RAB7A: variants seen among roughly 807,000 people sequenced by gnomAD.
RAB7A encodes the protein RAB7A, member RAS oncogene family.
RAB7A carries 2 observed loss-of-function variants against 24.5 expected under a neutral mutation model. The ratio of observed to expected loss-of-function variants is 0.08; its 90% CI spans 0.03 to 0.26. The LOEUF (loss-of-function observed/expected upper bound fraction) is 0.26. Ranked by LOEUF, RAB7A falls within the 10% of genes least tolerant of loss-of-function variation. The probability of loss-of-function intolerance (pLI) is 1.00; values close to 1 mark genes in which losing one functional copy is unlikely to be tolerated. For missense variants in RAB7A, 118 were observed against 255.7 expected (o/e 0.46, Z 3.67); for synonymous variants, 100 against 95.9 (o/e 1.04, Z -0.25).
At chr3:128,753,637 C>T (rs2070706743) in intron 1 of RAB7A, among the ~76,000 whole-genome samples, 2 of 152,128 alleles carry the variant, frequency 1.3e-5, no homozygotes, top group Admixed American at 6.5e-5. Context: ...CCAGCAGATA[C>T]AGTGTTTGAT....
At chr3:128,747,591 TGAAATGAAATGAAATAAA>T (rs1252718179) in intron 1 of RAB7A, among the ~76,000 whole-genome samples, 3 of 150,978 alleles carry the variant, frequency 2.0e-5, no homozygotes, top group Non-Finnish European at 2.9e-5. Flanking sequence ...CATGAAATAA[TGAAATGAAATGAAATAAA>T]GAAATGAAAT....
At chr3:128,762,607 T>G (rs7631994) in intron 1 of RAB7A, among the ~76,000 whole-genome samples, 33,005 of 152,042 alleles carry the variant, frequency 0.22, 5,115 homozygotes, top group African/African-American at 0.43. Context: ...GAGTTACTGG[T>G]CAGACAAACT....
At chr3:128,726,399 TC>T (rs948454306) in intron 1 of RAB7A, 40 bp downstream of exon 1, 51 of 149,250 alleles carry the variant, frequency 3.4e-4, no homozygotes, top group Middle Eastern at 3.4e-3. Context: ...CCTGGCCCCA[TC>T]CCCCCCCTCA....
At chr3:128,795,768 T>TTTTTTTTTTTTTTTTTTTTG (rs1576298976) in intron 2 of RAB7A, among the ~76,000 whole-genome samples, 1 of 129,930 alleles carries the variant, frequency 7.7e-6, no homozygotes. Context: ...TTTTTTTTTT[T>TTTTTTTTTTTTTTTTTTTTG]GGAGACAGAG....
In RAB7A at chr3:128,776,332, C is replaced by T. The variant is rs1453306309; in HGVS notation, c.-8-19028C>T. Among the ~76,000 whole-genome samples, 5 of 151,664 alleles carry T rather than the reference C, an allele frequency of 3.3e-5. No individual in the cohort carries two copies. In the East Asian group the frequency reaches 5.8e-4, roughly 18 times the overall value. On this transcript the variant is annotated intron_variant, in intron 1 of 5. Coordinates refer to ENST00000265062, the MANE Select transcript of RAB7A (RefSeq NM_004637.6). ...TTGCCCAGGCTGGAGTACAGTGGTG[C>T]GAACACAGCTCACTACAGCCTGGGT...
intron 1 of RAB7A, among the ~76,000 whole-genome samples, chr3:128,771,697 G>A (rs62272585): frequency 6.6e-6 from 1 of 152,204 alleles, no homozygotes; most frequent in Admixed American, 6.5e-5. Flanking sequence ...CGGTGCAATA[G>A]TAATTGCGGT....
chr3:128,734,454 CAAAAAAAAAAA>C (rs10524458), intron 1 of RAB7A, among the ~76,000 whole-genome samples: 16,383 of 86,926 alleles, frequency 0.19, 2,102 homozygotes, highest in African/African-American at 0.38. Context: ...GACCCTACCT[CAAAAAAAAAAA>C]AAAAAAAAAA....
In RAB7A at chr3:128,741,751, C is replaced by T. The variant is rs537693810; in HGVS notation, c.-9+15392C>T. On this transcript the variant is annotated intron_variant, in intron 1 of 5. Transcript: ENST00000265062. ...TGGGACAGTACTGCTGTCTTATTTG[C>T]GTCTGTTTTGTTTTATACGTATATA... Among the ~76,000 whole-genome samples, 12 of 152,228 alleles carry T rather than the reference C, an allele frequency of 7.9e-5. No homozygotes were observed. In the East Asian group the frequency reaches 1.4e-3, roughly 17 times the overall value.
At chr3:128,798,837 A>C in intron 3 of RAB7A, 1 of 257,998 alleles carries the variant, frequency 3.9e-6, no homozygotes, top group Non-Finnish European at 7.4e-6. Flanking sequence ...AAAAAAAAAA[A>C]AAAAAAAAGA....
intron 1 of RAB7A, among the ~76,000 whole-genome samples, chr3:128,763,208 A>ATATTTTT (rs373993932): frequency 1.1e-4 from 8 of 76,060 alleles, no homozygotes; most frequent in African/African-American, 4.9e-4. Context: ...ATATATATAT[A>ATATTTTT]TTTTTTTTTT....
chr3:128,749,025 T>C (rs1251251793), intron 1 of RAB7A: 1 of 152,242 alleles, frequency 6.6e-6, no homozygotes, highest in Non-Finnish European at 1.5e-5. Context: ...AGATTCTGGC[T>C]AACAGTGAAC....
At chr3:128,811,849 A>G (rs968005010) in intron 5 of RAB7A, among the ~76,000 whole-genome samples, 6 of 139,630 alleles carry the variant, frequency 4.3e-5, no homozygotes, top group Non-Finnish European at 7.6e-5. Flanking sequence ...ACTCTGCCTC[A>G]AAAAAAAAAA....
intron 1 of RAB7A, among the ~76,000 whole-genome samples, chr3:128,763,864 G>GCCC (rs60251504): frequency 3.6e-4 from 30 of 82,700 alleles, no homozygotes; most frequent in East Asian, 8.2e-4. Context: ...TTAGATTCCC[G>GCCC]CCCCCCCCCC....
In RAB7A at chr3:128,814,377, C is replaced by T. The variant is rs1255641991; in HGVS notation, c.*955C>T. On this transcript the variant is annotated 3_prime_UTR_variant, in exon 6 of 6. Transcript: ENST00000265062. ...GTGGTATGTGCAATGGATAAATTGC[C>T]GTTATTTCAAAAATTAAAATTCTCA... 5.2e-5 allele frequency: 8 copies of T among 152,570 alleles called. No homozygotes were observed. Among genetic ancestry groups the T allele is most frequent in the Non-Finnish European group, 1.2e-4 (8 of 68,048 alleles). The allele number at this position is 152,570 out of a possible 1,614,324, so 9.5% of individuals were successfully genotyped here.
chr3:128,736,530 C>A (rs1394391568), intron 1 of RAB7A, among the ~76,000 whole-genome samples: 1 of 152,072 alleles, frequency 6.6e-6, no homozygotes, highest in Admixed American at 6.6e-5. Flanking sequence ...CTTACTCCAA[C>A]CAAAGGAGCA....
At chr3:128,735,160 G>C (rs1425233259) in intron 1 of RAB7A, among the ~76,000 whole-genome samples, 25 of 152,214 alleles carry the variant, frequency 1.6e-4, no homozygotes, top group Non-Finnish European at 4.4e-5. Flanking sequence ...GCAGATGAGA[G>C]TTACTTAGTT....
chr3:128,811,350 T>TA (rs1191258665), intron 5 of RAB7A, among the ~76,000 whole-genome samples: 1 of 152,186 alleles, frequency 6.6e-6, no homozygotes, highest in Non-Finnish European at 1.5e-5. Context: ...GGTGGGAATA[T>TA]AAAATGTCAC....
chr3:128,807,413 C>A, intron 4 of RAB7A, 130 bp from the exon 5 acceptor site: 1 of 1,389,260 alleles, frequency 7.2e-7, no homozygotes, highest in Non-Finnish European at 1.0e-6. Flanking sequence ...CTCCAACACC[C>A]TCTTTCCCCA....
At chr3:128,734,696 C>T (rs2070474027) in intron 1 of RAB7A, among the ~76,000 whole-genome samples, 2 of 152,080 alleles carry the variant, frequency 1.3e-5, no homozygotes, top group Non-Finnish European at 2.9e-5. Flanking sequence ...CTTAGAATAT[C>T]ACATTCTATC....
Sources: gnomAD v4.1 joint callset for allele counts (sites outside exome capture counted in the v4.1 genomes callset) on GRCh38, gnomAD v4.1.1 for gene constraint, MANE v1.5 for transcripts, NCBI Gene and HGNC (gene_info 2026-07-23, HGNC 2026-07-21) for gene names.